Variants in NPAS3 observed in about 807,000 individuals in gnomAD.
The protein encoded by NPAS3 is neuronal PAS domain-containing protein 3.
NPAS3 carries 14 observed loss-of-function variants against 73.1 expected under a neutral mutation model. The observed-to-expected ratio is 0.19, with a 90% CI of 0.13 to 0.30. NPAS3 has a LOEUF of 0.30. Among genes scored for constraint, NPAS3 ranks in the 10% least tolerant of loss-of-function variants. The probability of loss-of-function intolerance (pLI) is 1.00; values close to 1 mark genes in which losing one functional copy is unlikely to be tolerated. For missense variants in NPAS3, 1,096 were observed against 1,250.0 expected (o/e 0.88, Z 1.86); for synonymous variants, 620 against 541.5 (o/e 1.14, Z -2.01).
chr14:33,022,701 T>C (rs933274596), intron 1 of NPAS3, among the ~76,000 whole-genome samples: 1 of 150,476 alleles, frequency 6.6e-6, no homozygotes, highest in Admixed American at 6.6e-5. Flanking sequence ...TACTTTTGTG[T>C]AAGAAAACCC....
chr14:33,144,334 A>C (rs1254235539), intron 2 of NPAS3, among the ~76,000 whole-genome samples: 2 of 152,204 alleles, frequency 1.3e-5, no homozygotes, highest in African/African-American at 4.8e-5. Context: ...ATCTTTTAAG[A>C]TGTGCTTGTT....
intron 4 of NPAS3, among the ~76,000 whole-genome samples, chr14:33,544,724 A>ATT (rs74192237): frequency 2.8e-5 from 4 of 140,502 alleles, no homozygotes; most frequent in African/African-American, 1.1e-4. Flanking sequence ...AATCTGTGGT[A>ATT]TTTTTTTATG....
intron 9 of NPAS3, among the ~76,000 whole-genome samples, chr14:33,784,745 A>ATTTTTTTTTTTTATTTTTTTT (rs2063103673): frequency 1.9e-4 from 14 of 73,844 alleles, no homozygotes; most frequent in African/African-American, 7.5e-4. Context: ...TTATTTATTT[A>ATTTTTTTTTTTTATTTTTTTT]TTTTTTTTTT....
intron 1 of NPAS3, among the ~76,000 whole-genome samples, chr14:32,953,265 C>A (rs1035783954): frequency 6.6e-6 from 1 of 152,044 alleles, no homozygotes; most frequent in South Asian, 2.1e-4. Context: ...TTGGGTTGAA[C>A]CAAACCACGT....
chr14:33,397,907 C>T (rs1000862797), intron 4 of NPAS3, among the ~76,000 whole-genome samples: 1 of 152,128 alleles, frequency 6.6e-6, no homozygotes, highest in African/African-American at 2.4e-5. Context: ...GAAATAGACA[C>T]ATAGGTCCTC....
intron 9 of NPAS3, among the ~76,000 whole-genome samples, chr14:33,787,780 T>C (rs962706620): frequency 1.3e-4 from 20 of 152,162 alleles, no homozygotes; most frequent in African/African-American, 2.7e-4. Flanking sequence ...TAATGCAGTT[T>C]CTGGCTATAA....
intron 2 of NPAS3, among the ~76,000 whole-genome samples, chr14:33,153,678 T>G (rs1247911256): frequency 6.6e-6 from 1 of 152,258 alleles, no homozygotes; most frequent in East Asian, 1.9e-4. Context: ...TCTAATTGCA[T>G]CTCAAAGAGC....
chr14:33,051,831 C>T (rs1273530868), intron 1 of NPAS3, among the ~76,000 whole-genome samples: 1 of 152,168 alleles, frequency 6.6e-6, no homozygotes. Flanking sequence ...GCGAGCTTGA[C>T]TCACTGCAAC....
chr14:33,657,749 A>C (rs2183273), intron 5 of NPAS3, among the ~76,000 whole-genome samples: 59,806 of 151,970 alleles, frequency 0.39, 12,612 homozygotes, highest in Non-Finnish European at 0.47. Context: ...TTTTCACATA[A>C]AATTGTTCAA....
intron 4 of NPAS3, among the ~76,000 whole-genome samples, chr14:33,536,583 T>C (rs778330057): frequency 2.6e-5 from 4 of 152,160 alleles, no homozygotes; most frequent in African/African-American, 7.2e-5. Flanking sequence ...AATGGGAGAT[T>C]CAAGGCTAAA....
chr14:33,260,173 C>G (rs1364309017), intron 3 of NPAS3, among the ~76,000 whole-genome samples: 1 of 152,198 alleles, frequency 6.6e-6, no homozygotes, highest in South Asian at 2.1e-4. Flanking sequence ...AAAGGAGTAA[C>G]GTTACTTCTT....
At chr14:33,762,809 CAA>C (rs1193852968) in intron 7 of NPAS3, among the ~76,000 whole-genome samples, 2 of 152,148 alleles carry the variant, frequency 1.3e-5, no homozygotes, top group Non-Finnish European at 2.9e-5. Flanking sequence ...GTGACACGCA[CAA>C]AAGTCATATG....
chr14:33,498,885 A>G (rs1410544380), intron 4 of NPAS3, among the ~76,000 whole-genome samples: 1 of 150,844 alleles, frequency 6.6e-6, no homozygotes, highest in African/African-American at 2.4e-5. Flanking sequence ...TTATTTTTAA[A>G]ATCTGGGGAT....
chr14:33,562,382 C>A (rs2055692590), intron 5 of NPAS3, among the ~76,000 whole-genome samples: 1 of 152,100 alleles, frequency 6.6e-6, no homozygotes, highest in South Asian at 2.1e-4. Context: ...TATCCAGGGG[C>A]AGACCCTGGC....
At chr14:33,558,620 A>G (rs1205634043) in intron 4 of NPAS3, among the ~76,000 whole-genome samples, 2 of 151,690 alleles carry the variant, frequency 1.3e-5, no homozygotes, top group African/African-American at 4.8e-5. Flanking sequence ...ATCTGTATGC[A>G]TACATATATA....
intron 3 of NPAS3, among the ~76,000 whole-genome samples, chr14:33,264,895 C>A (rs1566738244): frequency 1.3e-5 from 2 of 152,122 alleles, no homozygotes; most frequent in Admixed American, 6.5e-5. Flanking sequence ...CACTTTGTAG[C>A]CTGGTCCCCA....
chr14:32,936,145 G>T (rs1339095076), upstream of NPAS3, among the ~76,000 whole-genome samples: 5 of 152,276 alleles, frequency 3.3e-5, no homozygotes, highest in Middle Eastern at 0.01. Context: ...AACTGAAAAG[G>T]TTAAGATAAT....
intron 1 of NPAS3, among the ~76,000 whole-genome samples, chr14:33,001,475 T>C (rs2038804476): frequency 6.6e-6 from 1 of 152,200 alleles, no homozygotes; most frequent in Non-Finnish European, 1.5e-5. Flanking sequence ...ACCTGAAATT[T>C]AGGTGATTTG....
intron 8 of NPAS3, among the ~76,000 whole-genome samples, chr14:33,776,604 A>T (rs1180887565): frequency 7.0e-6 from 1 of 141,950 alleles, no homozygotes; most frequent in Admixed American, 7.6e-5. Context: ...ATACAGCATT[A>T]TTTCCCATCT....
Sources: allele counts gnomAD v4.1 joint callset (sites outside exome capture counted in the v4.1 genomes callset), GRCh38; gene constraint gnomAD v4.1.1; transcripts MANE v1.5; gene names NCBI Gene and HGNC (gene_info 2026-07-23, HGNC 2026-07-21).